The following TENM2 variants were observed in gnomAD, a reference collection of about 807,000 sequenced individuals.
The protein encoded by TENM2 is teneurin transmembrane protein 2.
A neutral mutation model predicts 245.2 loss-of-function variants in TENM2; 52 were observed. The observed-to-expected ratio is 0.21, with a 90% CI of 0.17 to 0.27. The LOEUF (loss-of-function observed/expected upper bound fraction) is 0.27. Ranked by LOEUF, TENM2 falls within the 10% of genes least tolerant of loss-of-function variation. The probability of loss-of-function intolerance (pLI) is 1.00; values close to 1 mark genes in which losing one functional copy is unlikely to be tolerated. For missense variants in TENM2, 3,046 were observed against 3,666.8 expected, an observed-to-expected ratio of 0.83 and a Z score of 4.37; for synonymous variants, 1,363 against 1,438.9, an observed-to-expected ratio of 0.95 and a Z score of 1.19.
At chr5:167,851,770 A>G (rs868011165) in intron 2 of TENM2, among the ~76,000 whole-genome samples, 1 of 152,206 alleles carries the variant, frequency 6.6e-6, no homozygotes, top group Non-Finnish European at 1.5e-5. Context: ...ATGGGGAGGA[A>G]GAAAAGGAAA....
At chr5:167,145,994 G>A in the TENM2 span, among the ~76,000 whole-genome samples, 1 of 152,062 alleles carries the variant, frequency 6.6e-6, no homozygotes, top group Non-Finnish European at 1.5e-5. Context: ...AACTCCCCGT[G>A]ACAGATGGGA....
intron 2 of TENM2, among the ~76,000 whole-genome samples, chr5:167,842,189 A>C (rs1769581113): frequency 6.6e-6 from 1 of 152,144 alleles, no homozygotes; most frequent in Non-Finnish European, 1.5e-5. Context: ...ATTCGGCCTC[A>C]TGGACACTAG....
At chr5:167,680,526 A>G (rs1421106874) in intron 2 of TENM2, among the ~76,000 whole-genome samples, 3 of 152,132 alleles carry the variant, frequency 2.0e-5, no homozygotes, top group Admixed American at 6.6e-5. Context: ...AGACCGAGAA[A>G]TATCTTAAGC....
At chr5:168,169,807 G>A (rs1758637298) in intron 13 of TENM2, among the ~76,000 whole-genome samples, 1 of 152,168 alleles carries the variant, frequency 6.6e-6, no homozygotes, top group African/African-American at 2.4e-5. Context: ...TTGGTTGGGT[G>A]GGGGACAGCT....
At chr5:167,972,214 T>C (rs1050372810) in intron 4 of TENM2, among the ~76,000 whole-genome samples, 2 of 152,240 alleles carry the variant, frequency 1.3e-5, no homozygotes, top group Non-Finnish European at 2.9e-5. Flanking sequence ...TCAATTTCCA[T>C]TTTCAAGGAA....
chr5:168,002,347 G>A (rs868228084), intron 5 of TENM2, among the ~76,000 whole-genome samples: 1 of 152,238 alleles, frequency 6.6e-6, no homozygotes, highest in Non-Finnish European at 1.5e-5. Flanking sequence ...TGCCTTTGCA[G>A]TCATGATGCA....
At chr5:168,050,943 T>C (rs1375285381) in intron 6 of TENM2, among the ~76,000 whole-genome samples, 1 of 152,190 alleles carries the variant, frequency 6.6e-6, no homozygotes, top group Non-Finnish European at 1.5e-5. Flanking sequence ...CTCACCATCT[T>C]GTGTGTATTT....
At chr5:166,986,086 G>C in the TENM2 span, among the ~76,000 whole-genome samples, 1 of 152,176 alleles carries the variant, frequency 6.6e-6, no homozygotes, top group Non-Finnish European at 1.5e-5. Flanking sequence ...TGGAAGGATG[G>C]TGGGGTGAGA....
chr5:167,560,696 G>A (rs1773530018), intron 2 of TENM2, among the ~76,000 whole-genome samples: 1 of 152,170 alleles, frequency 6.6e-6, no homozygotes, highest in Admixed American at 6.5e-5. Context: ...TTGGCATGGT[G>A]CTAATTGGTT....
At chr5:167,885,589 A>G (rs113121009) in intron 3 of TENM2, among the ~76,000 whole-genome samples, 2 of 152,344 alleles carry the variant, frequency 1.3e-5, no homozygotes, top group African/African-American at 4.8e-5. Flanking sequence ...AGACCACACC[A>G]TGATCTTGCC....
chr5:167,437,400 T>C (rs1764625759), intron 2 of TENM2, among the ~76,000 whole-genome samples: 1 of 152,214 alleles, frequency 6.6e-6, no homozygotes. Context: ...CCCCATTGTA[T>C]CTAAGAAGTA....
chr5:168,195,230 C>T (rs768607657), exon 15 of TENM2: 4 of 1,608,174 alleles, frequency 2.5e-6, no homozygotes, highest in African/African-American at 1.3e-5. Flanking sequence ...CTCCCCTGGT[C>T]GGTGTGAACG....
the TENM2 span, among the ~76,000 whole-genome samples, chr5:167,230,284 T>A: frequency 6.6e-6 from 1 of 152,202 alleles, no homozygotes; most frequent in Non-Finnish European, 1.5e-5. Flanking sequence ...AAATGTGGAC[T>A]GCTGGGGGTC....
At chr5:167,148,549 T>C in the TENM2 span, among the ~76,000 whole-genome samples, 1 of 152,222 alleles carries the variant, frequency 6.6e-6, no homozygotes, top group African/African-American at 2.4e-5. Flanking sequence ...TGAAATATTT[T>C]TTAAATGCAA....
chr5:167,800,252 CTT>C (rs1765613409), intron 2 of TENM2, among the ~76,000 whole-genome samples: 1 of 152,162 alleles, frequency 6.6e-6, no homozygotes, highest in Non-Finnish European at 1.5e-5. Flanking sequence ...AGAGGCAAGT[CTT>C]GAGTTGGGTT....
At chr5:168,154,055 A>G (rs1221176647) in intron 12 of TENM2, among the ~76,000 whole-genome samples, 1 of 150,046 alleles carries the variant, frequency 6.7e-6, no homozygotes, top group African/African-American at 2.5e-5. Context: ...GTCAGAATTC[A>G]CTGAGTAACT....
the TENM2 span, among the ~76,000 whole-genome samples, chr5:167,247,243 G>A: frequency 5.3e-5 from 8 of 152,236 alleles, no homozygotes; most frequent in African/African-American, 1.9e-4. Context: ...CATCCAGCAA[G>A]TAAGTGACAG....
At chr5:167,768,925 G>A (rs942315526) in intron 2 of TENM2, among the ~76,000 whole-genome samples, 15 of 152,082 alleles carry the variant, frequency 9.9e-5, no homozygotes, top group African/African-American at 2.9e-4. Context: ...TAGAGGGTGC[G>A]GCTCATGGTC....
chr5:167,907,164 G>A (rs1341713974), intron 3 of TENM2, among the ~76,000 whole-genome samples: 6 of 151,964 alleles, frequency 3.9e-5, no homozygotes, highest in African/African-American at 7.3e-5. Flanking sequence ...CTCAGGAGGC[G>A]GAGGTTGCAA....
Sources: allele counts gnomAD v4.1 joint callset (sites outside exome capture counted in the v4.1 genomes callset), GRCh38; gene constraint gnomAD v4.1.1; transcripts MANE v1.5; gene names NCBI Gene and HGNC (gene_info 2026-07-23, HGNC 2026-07-21).